The following NRF1 variants were observed in gnomAD, a reference collection of about 807,000 sequenced individuals.
NRF1 encodes the protein nuclear respiratory factor 1, also known as alpha palindromic-binding protein.
Under a neutral mutation model 58.5 loss-of-function variants are expected in NRF1, and 5 were observed. That is an observed-to-expected ratio of 0.09 (90% CI 0.04 to 0.18). The LOEUF is 0.18. Ranked by LOEUF, NRF1 falls within the 10% of genes least tolerant of loss-of-function variation. The pLI is 1.00. For synonymous variants in NRF1, 224 were observed against 246.7 expected, an observed-to-expected ratio of 0.91 and a Z score of 0.86; for missense variants, 288 against 657.7, an observed-to-expected ratio of 0.44 and a Z score of 6.15.
chr7:129,626,247 G>A (rs1800917037), intron 1 of NRF1, among the ~76,000 whole-genome samples: 1 of 152,206 alleles, frequency 6.6e-6, no homozygotes, highest in South Asian at 2.1e-4. Flanking sequence ...TCGACATACA[G>A]TAGTTGCACT....
At chr7:129,728,228 T>A (rs1311876020) in intron 10 of NRF1, among the ~76,000 whole-genome samples, 2 of 152,148 alleles carry the variant, frequency 1.3e-5, no homozygotes, top group Non-Finnish European at 2.9e-5. Flanking sequence ...TTTAAAGTCC[T>A]GGAATGGGGC....
intron 1 of NRF1, among the ~76,000 whole-genome samples, chr7:129,631,298 T>A (rs570084532): frequency 1.3e-5 from 2 of 152,062 alleles, no homozygotes; most frequent in East Asian, 3.9e-4. Flanking sequence ...CTGCTCACTG[T>A]AGCCTTGATC....
chr7:129,635,484 G>A (rs1330684743), intron 1 of NRF1, among the ~76,000 whole-genome samples: 1 of 152,056 alleles, frequency 6.6e-6, no homozygotes, highest in Admixed American at 6.6e-5. Context: ...AATTCTGTTT[G>A]TATGTGCATT....
At chr7:129,640,541 C>A (rs904965166) in intron 1 of NRF1, among the ~76,000 whole-genome samples, 8 of 151,948 alleles carry the variant, frequency 5.3e-5, no homozygotes, top group African/African-American at 1.7e-4. Flanking sequence ...TACCGTACCC[C>A]CAGTAAAACC....
chr7:129,692,568 T>TAATG (rs773064686), intron 5 of NRF1, among the ~76,000 whole-genome samples: 17 of 152,128 alleles, frequency 1.1e-4, no homozygotes, highest in East Asian at 5.8e-4. Flanking sequence ...AATGAGTGAA[T>TAATG]AATGAATGAA....
At chr7:129,665,525 G>A (rs542505416) in intron 2 of NRF1, among the ~76,000 whole-genome samples, 1 of 152,206 alleles carries the variant, frequency 6.6e-6, no homozygotes, top group African/African-American at 2.4e-5. Flanking sequence ...AAGTTTATTT[G>A]TAGTGCAACT....
chr7:129,747,730 A>G (rs528384373), intron 10 of NRF1, among the ~76,000 whole-genome samples: 14 of 152,318 alleles, frequency 9.2e-5, no homozygotes, highest in Admixed American at 2.0e-4. Context: ...GAAGCCTTTA[A>G]TGGAAATAAA....
chr7:129,723,427 G>C (rs145730813), intron 9 of NRF1, among the ~76,000 whole-genome samples: 1 of 149,316 alleles, frequency 6.7e-6, no homozygotes, highest in East Asian at 2.0e-4. Flanking sequence ...TGGGCAACAA[G>C]AGCGAAACTC....
chr7:129,651,502 G>GGCA (rs1801535287), intron 1 of NRF1, among the ~76,000 whole-genome samples: 1 of 151,954 alleles, frequency 6.6e-6, no homozygotes, highest in Admixed American at 6.6e-5. Flanking sequence ...GGGCAGAAAT[G>GGCA]GCAAGCCTGT....
rs188050934 is a variant in NRF1, at chr7:129,649,872, G to A, written c.-6-7474G>A. Among the ~76,000 whole-genome samples, 5 of 152,236 alleles carry A rather than the reference G, an allele frequency of 3.3e-5. No homozygotes were observed. The East Asian group carries it at 9.7e-4, about 29-fold the overall frequency. On this transcript the variant is annotated intron_variant, in intron 1 of 10. Transcript: ENST00000393232. Reference sequence around the variant, plus strand: ...AGGCTCAAGCAATCCTCTTGCCTTAGCCTCCTGAGTAGCTGGGGCTATAGG... The same window carrying A: ...AGGCTCAAGCAATCCTCTTGCCTTAACCTCCTGAGTAGCTGGGGCTATAGG...
intron 1 of NRF1, among the ~76,000 whole-genome samples, chr7:129,612,705 T>A (rs550123968): frequency 3.3e-5 from 5 of 152,278 alleles, no homozygotes; most frequent in African/African-American, 1.2e-4. Flanking sequence ...ACAGGGGCTC[T>A]GAGATGGCCG....
chr7:129,666,214 T>C (rs1299945883), intron 2 of NRF1, among the ~76,000 whole-genome samples: 2 of 152,188 alleles, frequency 1.3e-5, no homozygotes, highest in African/African-American at 4.8e-5. Flanking sequence ...AAAGTACAGA[T>C]ATGGTTGAAA....
intron 1 of NRF1, among the ~76,000 whole-genome samples, chr7:129,621,825 C>T (rs113682806): frequency 0.02 from 3,000 of 149,042 alleles, 96 homozygotes; most frequent in African/African-American, 0.068. Context: ...CTCTGTCGCC[C>T]GGGCTGGAGT....
intron 4 of NRF1, among the ~76,000 whole-genome samples, 170 bp from the exon 5 acceptor site, chr7:129,690,236 G>A (rs1802533326): frequency 6.6e-6 from 1 of 152,152 alleles, no homozygotes; most frequent in South Asian, 2.1e-4. Context: ...ATTATGTTCA[G>A]TATGATGTCT....
At chr7:129,707,454 T>C (rs966033705) in intron 5 of NRF1, among the ~76,000 whole-genome samples, 4 of 152,208 alleles carry the variant, frequency 2.6e-5, no homozygotes, top group African/African-American at 9.7e-5. Flanking sequence ...AATCTATACC[T>C]CTGAGAAAGC....
At chr7:129,677,843 G>GAAATGCCAACTGTTATAC in intron 4 of NRF1, 85 bp downstream of exon 4, 1 of 1,536,394 alleles carries the variant, frequency 6.5e-7, no homozygotes, top group Non-Finnish European at 8.9e-7. Flanking sequence ...AAGTATAACA[G>GAAATGCCAACTGTTATAC]TTGGCATTTC....
chr7:129,696,341 A>G (rs1389191461), intron 5 of NRF1, among the ~76,000 whole-genome samples: 1 of 152,240 alleles, frequency 6.6e-6, no homozygotes, highest in Non-Finnish European at 1.5e-5. Context: ...GAAGATGTCA[A>G]CAACTCTCTT....
intron 5 of NRF1, among the ~76,000 whole-genome samples, chr7:129,697,880 G>A (rs1442992393): frequency 1.3e-5 from 2 of 151,950 alleles, no homozygotes; most frequent in Admixed American, 1.3e-4. Context: ...GATTACAGGC[G>A]GACGCCACCA....
At chr7:129,743,385 G>T (rs1418848769) in intron 10 of NRF1, among the ~76,000 whole-genome samples, 1 of 152,182 alleles carries the variant, frequency 6.6e-6, no homozygotes, top group African/African-American at 2.4e-5. Context: ...TAAACAAGTT[G>T]TGCATTGTGT....
Sources: gnomAD v4.1 joint callset for allele counts (sites outside exome capture counted in the v4.1 genomes callset) on GRCh38, gnomAD v4.1.1 for gene constraint, MANE v1.5 for transcripts, NCBI Gene and HGNC (gene_info 2026-07-23, HGNC 2026-07-21) for gene names.